The following PITPNB variants were observed in gnomAD, a reference collection of about 807,000 sequenced individuals.
PITPNB encodes phosphatidylinositol transfer protein beta, also known as phosphatidylinositol transfer protein beta isoform.
A neutral mutation model predicts 45.9 loss-of-function variants in PITPNB; 16 were observed. The ratio of observed to expected loss-of-function variants is 0.35; its 90% CI spans 0.24 to 0.53. PITPNB has a LOEUF of 0.53. Ranked by LOEUF, PITPNB falls within the 20% of genes least tolerant of loss-of-function variation. PITPNB has a pLI of 0.93. For synonymous variants in PITPNB, 112 were observed against 108.9 expected, an observed-to-expected ratio of 1.03 and a Z score of -0.18; for missense variants, 188 against 330.5, an observed-to-expected ratio of 0.57 and a Z score of 3.34.
At chr22:27,896,934 G>C in intron 5 of PITPNB, 196 bp downstream of exon 5, 1 of 628,166 alleles carries the variant, frequency 1.6e-6, no homozygotes. Context: ...AAAATCAATA[G>C]GGAGATTTTG....
Position 27,857,579 on chromosome 22 carries a change from T to C in PITPNB, c.768+808A>G, listed in dbSNP as rs1325360224. The stretch of plus-strand genomic sequence containing the variant: ...CTCACACCTGCAGGGCTTCCAAAAC[T>C]GGACCTGCTGGCAGGACTCGAGATG... On this transcript the variant is annotated intron_variant, in intron 10 of 11. Transcript: ENST00000335272. Among the ~76,000 whole-genome samples the C allele has an allele frequency of 3.3e-5, 5 of 152,312 alleles. No individual in the cohort carries two copies. In the East Asian group the frequency reaches 9.6e-4, roughly 29 times the overall value.
At chr22:27,858,354 AT>A (rs1934230900) in intron 10 of PITPNB, 32 bp downstream of exon 10, 2 of 1,559,658 alleles carry the variant, frequency 1.3e-6, no homozygotes, top group African/African-American at 1.4e-5. Context: ...AAAAGGGAAA[AT>A]TAGAGAATTG....
intron 7 of PITPNB, among the ~76,000 whole-genome samples, chr22:27,893,717 T>C (rs1935356626): frequency 1.3e-5 from 2 of 150,966 alleles, no homozygotes; most frequent in Admixed American, 6.7e-5. Flanking sequence ...AGCCTCCTCA[T>C]GTAGCTGGAA....
At chr22:27,867,871 T>C (rs1934530398) in intron 8 of PITPNB, among the ~76,000 whole-genome samples, 1 of 152,198 alleles carries the variant, frequency 6.6e-6, no homozygotes, top group African/African-American at 2.4e-5. Context: ...CTTTGGGCAC[T>C]TAGCTTCTTA....
intron 7 of PITPNB, among the ~76,000 whole-genome samples, chr22:27,887,551 C>T (rs1297770909): frequency 6.6e-6 from 1 of 151,858 alleles, no homozygotes; most frequent in Non-Finnish European, 1.5e-5. Flanking sequence ...CTCCAATATC[C>T]CCACCCACCC....
chr22:27,912,491 T>G (rs1347213891), intron 2 of PITPNB, among the ~76,000 whole-genome samples: 1 of 152,104 alleles, frequency 6.6e-6, no homozygotes, highest in Non-Finnish European at 1.5e-5. Context: ...AGGACTAAAA[T>G]GAGTCTAGGT....
At chr22:27,881,090 A>T (rs922852147) in intron 7 of PITPNB, among the ~76,000 whole-genome samples, 1 of 152,244 alleles carries the variant, frequency 6.6e-6, no homozygotes, top group African/African-American at 2.4e-5. Context: ...CAGTGGAATA[A>T]TGTAGGAAAC....
At chr22:27,914,624 A>G (rs1417932191) in intron 1 of PITPNB, among the ~76,000 whole-genome samples, 3 of 152,224 alleles carry the variant, frequency 2.0e-5, no homozygotes, top group Admixed American at 2.0e-4. Flanking sequence ...AAGAAAAAAG[A>G]GAAAACTCAA....
intron 3 of PITPNB, among the ~76,000 whole-genome samples, chr22:27,908,986 T>C (rs1329186412): frequency 3.3e-5 from 5 of 152,132 alleles, no homozygotes; most frequent in African/African-American, 1.2e-4. Flanking sequence ...TATGGGTCAC[T>C]GTAAATCAAG....
Position 27,877,134 on chromosome 22 carries a change from A to G in PITPNB, c.457-3319T>C, listed in dbSNP as rs536227798. 2.0e-5 allele frequency among the ~76,000 whole-genome samples: 3 copies of G among 152,314 alleles called. No individual in the cohort carries two copies. In the South Asian group the frequency reaches 6.2e-4, roughly 32 times the overall value. On this transcript the variant is annotated intron_variant, in intron 7 of 11. Transcript: ENST00000335272. ...AAATGGGTTTTAAAATCATGTTTAAAAGTAGAAAAATCTTATTGCTAAAGT... is the reference window on the plus strand; with the variant it reads ...AAATGGGTTTTAAAATCATGTTTAAGAGTAGAAAAATCTTATTGCTAAAGT...
At chr22:27,855,409 G>A (rs973788763) in intron 10 of PITPNB, among the ~76,000 whole-genome samples, 1 of 152,240 alleles carries the variant, frequency 6.6e-6, no homozygotes, top group East Asian at 1.9e-4. Flanking sequence ...GAAAAGGCAA[G>A]GAGGGAGAAT....
intron 8 of PITPNB, among the ~76,000 whole-genome samples, chr22:27,864,028 GTAAT>G (rs1178164506): frequency 6.6e-6 from 1 of 152,052 alleles, no homozygotes; most frequent in Non-Finnish European, 1.5e-5. Context: ...CAATTTACAA[GTAAT>G]TATTTTTTTA....
chr22:27,897,105 G>C (rs1935457637), intron 5 of PITPNB, 25 bp downstream of exon 5: 1 of 1,503,558 alleles, frequency 6.7e-7, no homozygotes, highest in Non-Finnish European at 9.3e-7. Flanking sequence ...AAGAAAGTAT[G>C]AGACACAAAA....
chr22:27,895,475 A>G lies in PITPNB; in HGVS notation c.373-837T>C, dbSNP rs138978937. Among the ~76,000 whole-genome samples, 1,087 of 151,994 alleles carry G rather than the reference A, an allele frequency of 7.2e-3. 14 individuals carry two copies. The highest frequency in any genetic ancestry group is 0.024 in the African/African-American group (998 of 41,500). On this transcript the variant is annotated intron_variant, in intron 6 of 11. Coordinates refer to ENST00000335272, the MANE Select transcript of PITPNB (RefSeq NM_012399.5). ...CATGGTGGTGCATGCCTGCAGTCCCAGCTACTTGGGAGGCTGAGGCAGGAG... is the reference window on the plus strand; with the variant it reads ...CATGGTGGTGCATGCCTGCAGTCCCGGCTACTTGGGAGGCTGAGGCAGGAG...
chr22:27,879,270 G>C (rs756948197), intron 7 of PITPNB, among the ~76,000 whole-genome samples: 3 of 152,188 alleles, frequency 2.0e-5, no homozygotes, highest in Non-Finnish European at 4.4e-5. Context: ...AAAGAAATCA[G>C]AATTTCAGCC....
chr22:27,918,235 G>A (rs1264524508), intron 1 of PITPNB, among the ~76,000 whole-genome samples: 1 of 152,106 alleles, frequency 6.6e-6, no homozygotes, highest in Non-Finnish European at 1.5e-5. Context: ...GGAGGTTTAA[G>A]AACACTAAAA....
intron 7 of PITPNB, among the ~76,000 whole-genome samples, chr22:27,874,114 G>GT (rs1238891945): frequency 2.0e-5 from 3 of 152,188 alleles, no homozygotes; most frequent in Non-Finnish European, 4.4e-5. Context: ...TCTTTCAACA[G>GT]TTTTTTAAAT....
At chr22:27,853,798 A>G in intron 11 of PITPNB, 135 bp from the exon 12 acceptor site, 2 of 671,412 alleles carry the variant, frequency 3.0e-6, no homozygotes, top group Non-Finnish European at 5.4e-6. Flanking sequence ...GCATCTTACA[A>G]TTTTCATCTG....
chr22:27,895,881 GTGC>G (rs1935418085), intron 6 of PITPNB, among the ~76,000 whole-genome samples: 1 of 152,194 alleles, frequency 6.6e-6, no homozygotes, highest in Non-Finnish European at 1.5e-5. Context: ...CTCAGATACT[GTGC>G]TGCTGCTGGC....
Sources: gnomAD v4.1 joint callset for allele counts (sites outside exome capture counted in the v4.1 genomes callset) on GRCh38, gnomAD v4.1.1 for gene constraint, MANE v1.5 for transcripts, NCBI Gene and HGNC (gene_info 2026-07-23, HGNC 2026-07-21) for gene names.